NAV3: variants seen among roughly 807,000 people sequenced by gnomAD.
The protein encoded by NAV3 is pore membrane and/or filament interacting like protein 1.
A neutral mutation model predicts 244.7 loss-of-function variants in NAV3; 87 were observed. The observed-to-expected ratio is 0.36, with a 90% CI of 0.30 to 0.42. The LOEUF is 0.42. Among genes scored for constraint, NAV3 ranks in the 20% least tolerant of loss-of-function variants. The pLI is 1.00. For missense variants in NAV3, 2,663 were observed against 2,893.3 expected (o/e 0.92, Z 1.83); for synonymous variants, 1,126 against 1,042.2 (o/e 1.08, Z -1.55).
chr12:77,747,386 G>A (rs1008786244), intron 2 of NAV3, among the ~76,000 whole-genome samples: 19 of 152,150 alleles, frequency 1.2e-4, no homozygotes, highest in Non-Finnish European at 2.5e-4. Flanking sequence ...GGAAACAACA[G>A]GTGCTGGAGA....
At chr12:77,773,309 G>T (rs1256060676) in intron 2 of NAV3, among the ~76,000 whole-genome samples, 1 of 152,064 alleles carries the variant, frequency 6.6e-6, no homozygotes, top group East Asian at 1.9e-4. Context: ...AAGCAAAAGG[G>T]CTAGGACTGT....
intron 1 of NAV3, among the ~76,000 whole-genome samples, chr12:77,913,636 C>T (rs913807179): frequency 4.6e-5 from 7 of 151,944 alleles, no homozygotes; most frequent in Admixed American, 1.3e-4. Flanking sequence ...AGATTGGACC[C>T]AAAATTCAGG....
At chr12:78,081,096 G>A (rs60347027) in intron 12 of NAV3, among the ~76,000 whole-genome samples, 9,085 of 152,236 alleles carry the variant, frequency 0.06, 611 homozygotes, top group African/African-American at 0.17. Flanking sequence ...AAGCCTATCA[G>A]GCTATGTAAG....
At chr12:77,741,148 C>CAAAAAAAAAAAAAAAAAAAAAAAGAAA in intron 2 of NAV3, among the ~76,000 whole-genome samples, 2 of 68,666 alleles carry the variant, frequency 2.9e-5, no homozygotes, top group African/African-American at 5.9e-5. Context: ...AAAAAAAAGA[C>CAAAAAAAAAAAAAAAAAAAAAAAGAAA]AAAAAAAAAA....
chr12:78,029,075 T>C (rs1180224641), intron 9 of NAV3, among the ~76,000 whole-genome samples: 1 of 151,958 alleles, frequency 6.6e-6, no homozygotes, highest in Non-Finnish European at 1.5e-5. Flanking sequence ...TGGCACAGCC[T>C]CTGGTCTGCA....
chr12:77,688,981 A>C (rs1874883338), intron 2 of NAV3, among the ~76,000 whole-genome samples: 1 of 151,956 alleles, frequency 6.6e-6, no homozygotes, highest in Admixed American at 6.6e-5. Flanking sequence ...GAAACAAATC[A>C]GCTGAAACCA....
At chr12:78,070,006 G>T (rs1350352527) in intron 12 of NAV3, among the ~76,000 whole-genome samples, 2 of 151,962 alleles carry the variant, frequency 1.3e-5, no homozygotes, top group Non-Finnish European at 2.9e-5. Flanking sequence ...CCTTTTTACT[G>T]AAACTATGCT....
At chr12:77,861,184 T>C (rs1202842206) in intron 1 of NAV3, among the ~76,000 whole-genome samples, 1 of 151,860 alleles carries the variant, frequency 6.6e-6, no homozygotes, top group Non-Finnish European at 1.5e-5. Context: ...ATGGTTATAA[T>C]TGATTAAAAT....
intron 2 of NAV3, among the ~76,000 whole-genome samples, chr12:77,817,302 A>G (rs911496204): frequency 4.6e-5 from 7 of 152,198 alleles, no homozygotes; most frequent in African/African-American, 1.7e-4. Flanking sequence ...CACCCTCTGT[A>G]AGATTCACTT....
chr12:77,896,828 G>A (rs943856932), intron 1 of NAV3, among the ~76,000 whole-genome samples: 2 of 152,158 alleles, frequency 1.3e-5, no homozygotes, highest in African/African-American at 4.8e-5. Context: ...CAATTTTGAT[G>A]TGAAACCCTT....
At chr12:77,679,273 C>A (rs555470042) in intron 2 of NAV3, among the ~76,000 whole-genome samples, 1 of 152,024 alleles carries the variant, frequency 6.6e-6, no homozygotes, top group Non-Finnish European at 1.5e-5. Flanking sequence ...AACAGGTTAT[C>A]GGGGAAACAA....
chr12:78,201,581 AT>A (rs1374542685), intron 38 of NAV3, among the ~76,000 whole-genome samples: 2 of 152,066 alleles, frequency 1.3e-5, no homozygotes, highest in African/African-American at 4.8e-5. Context: ...ACTAAAAAAA[AT>A]CCCTACTTCT....
At chr12:77,806,850 C>G (rs1426679498) in intron 2 of NAV3, among the ~76,000 whole-genome samples, 1 of 152,142 alleles carries the variant, frequency 6.6e-6, no homozygotes, top group Non-Finnish European at 1.5e-5. Flanking sequence ...CTGGGTGCTC[C>G]TGTATTGGAT....
At chr12:77,673,411 A>G (rs979033359) in intron 2 of NAV3, among the ~76,000 whole-genome samples, 1 of 152,174 alleles carries the variant, frequency 6.6e-6, no homozygotes. Flanking sequence ...AGAAACATTA[A>G]TAAAAACTAG....
chr12:77,762,391 A>G (rs1229968458), intron 2 of NAV3, among the ~76,000 whole-genome samples: 1 of 152,124 alleles, frequency 6.6e-6, no homozygotes, highest in Admixed American at 6.5e-5. Context: ...ACAAACCTGC[A>G]CATTCTGCAC....
At chr12:77,623,417 T>C (rs944516216) in intron 2 of NAV3, among the ~76,000 whole-genome samples, 1 of 152,170 alleles carries the variant, frequency 6.6e-6, no homozygotes, top group African/African-American at 2.4e-5. Context: ...GGTTTTGAAT[T>C]GGTAGAAGTC....
chr12:77,711,990 C>A (rs73410458), intron 2 of NAV3, among the ~76,000 whole-genome samples: 2,517 of 152,230 alleles, frequency 0.017, 73 homozygotes, highest in African/African-American at 0.058. Context: ...CCCACAACTT[C>A]ATAAAAAGCT....
rs568298742 is a variant in NAV3, at chr12:78,050,881, A to T, written c.2250A>T (p.Arg750=). 6.2e-7 allele frequency: 1 copy of T among 1,614,064 alleles called. No homozygotes were observed. Among genetic ancestry groups the T allele is most frequent in the Admixed American group, 1.7e-5 (1 of 60,014 alleles). The change falls in exon 11 of 40, where the codon CGA becomes CGT. Residue 750 remains arginine (R), a synonymous_variant. Transcript: ENST00000397909. ...MTWRLGQACP[R]LQAGDAPSLG... is the part of the protein sequence containing the mutation. ...GGAGGTTGGGCCAGGCATGTCCGCG[A>T]CTTCAGGCGGGAGATGCTCCCTCCC...
At chr12:78,071,948 T>C (rs976718721) in intron 12 of NAV3, among the ~76,000 whole-genome samples, 1 of 151,992 alleles carries the variant, frequency 6.6e-6, no homozygotes, top group African/African-American at 2.4e-5. Flanking sequence ...GGGTACATAA[T>C]GAAATGAAGG....
Sources: gnomAD v4.1 joint callset for allele counts (sites outside exome capture counted in the v4.1 genomes callset) on GRCh38, gnomAD v4.1.1 for gene constraint, MANE v1.5 for transcripts, NCBI Gene and HGNC (gene_info 2026-07-23, HGNC 2026-07-21) for gene names.